The following UGP2 variants were observed in gnomAD, a reference collection of about 807,000 sequenced individuals.
UGP2 encodes the protein UTP--glucose-1-phosphate uridylyltransferase.
UGP2 carries 40 observed loss-of-function variants against 49.0 expected under a neutral mutation model. The ratio of observed to expected loss-of-function variants is 0.82; its 90% CI spans 0.63 to 1.06. The LOEUF (loss-of-function observed/expected upper bound fraction) is 1.06, where lower values mean the gene tolerates loss of function less well. Ranked by LOEUF, UGP2 falls within the 50% of genes least tolerant of loss-of-function variation. The pLI is 0.00. For missense variants in UGP2, 460 were observed against 603.5 expected (o/e 0.76, Z 2.49); for synonymous variants, 225 against 213.0 (o/e 1.06, Z -0.49).
At chr2:63,842,396 T>C (rs1203426667) in intron 1 of UGP2, 192 bp downstream of exon 1, 1 of 1,592,124 alleles carries the variant, frequency 6.3e-7, no homozygotes, top group Middle Eastern at 1.7e-4. Flanking sequence ...TAATTTATGC[T>C]CCTGTACCCT....
At chr2:63,853,908 T>C (rs968214943) in intron 1 of UGP2, among the ~76,000 whole-genome samples, 1 of 152,220 alleles carries the variant, frequency 6.6e-6, no homozygotes, top group Non-Finnish European at 1.5e-5. Context: ...CTATCTGAAA[T>C]TGACTTAAAG....
intron 2 of UGP2, 91 bp downstream of exon 2, chr2:63,856,524 C>A: frequency 7.1e-7 from 1 of 1,410,914 alleles, no homozygotes; most frequent in Non-Finnish European, 9.5e-7. Flanking sequence ...ATAATCATCA[C>A]CTCAAATCAG....
chr2:63,857,975 C>T (rs748262448), intron 3 of UGP2, 39 bp downstream of exon 3: 1 of 1,593,732 alleles, frequency 6.3e-7, no homozygotes, highest in South Asian at 1.1e-5. Context: ...GTAGGGTAAT[C>T]TTGGGCACTG....
chr2:63,855,596 C>T (rs956812538), intron 1 of UGP2: 32 of 366,898 alleles, frequency 8.7e-5, no homozygotes, highest in Middle Eastern at 1.8e-3. Flanking sequence ...GGCTGGAGTG[C>T]GGTGGCGCGA....
chr2:63,876,474 C>T (rs146868510), intron 3 of UGP2, among the ~76,000 whole-genome samples: 4 of 152,284 alleles, frequency 2.6e-5, no homozygotes, highest in African/African-American at 7.2e-5. Context: ...ATATTTCTCC[C>T]GTCTTCATAC....
chr2:63,886,879 G>T (rs971617441), intron 7 of UGP2, among the ~76,000 whole-genome samples: 7 of 152,158 alleles, frequency 4.6e-5, no homozygotes, highest in Admixed American at 3.3e-4. Context: ...GGTTTATCAT[G>T]AAATGATATT....
chr2:63,891,235 A>G lies in UGP2; in HGVS notation c.*8A>G. 6.2e-7 allele frequency: 1 copy of G among 1,604,374 alleles called. No individual in the cohort carries two copies. The highest frequency in any genetic ancestry group is 8.5e-7 in the Non-Finnish European group (1 of 1,171,904). On this transcript the variant is annotated 3_prime_UTR_variant, in exon 10 of 10. Transcript: ENST00000337130. The stretch of plus-strand genomic sequence containing the variant: ...CGCATCTTGGACCACTGAAATGAAA[A>G]ATACTGTGGACACTTAAATAATGGG...
rs929512803 is a variant in UGP2 at position 63,887,847 on chromosome 2, T to C, written c.1314+203T>C. 2.2e-5 allele frequency: 15 copies of C among 683,652 alleles called. No individual in the cohort carries two copies. The African/African-American group carries it at 2.7e-4, about 12-fold the overall frequency. The allele number at this position is 683,652 out of a possible 1,614,324, so 42.3% of individuals were successfully genotyped here. A position where few individuals can be genotyped will look rare whatever the true frequency, so the allele number is the denominator to read the frequency against. ...TGAAACATGATTGCCATATGGAGAG[T>C]AGAAAATAATCTTTAAATTTTGGGG... On this transcript the variant is annotated intron_variant, in intron 8 of 9. Coordinates refer to ENST00000337130, the MANE Select transcript of UGP2 (RefSeq NM_006759.4).
chr2:63,851,003 A>T (rs576389832), intron 1 of UGP2, among the ~76,000 whole-genome samples: 9 of 152,318 alleles, frequency 5.9e-5, no homozygotes, highest in African/African-American at 1.9e-4. Flanking sequence ...CAGAATTTAC[A>T]GTCTGTTGGA....
At chr2:63,842,405 C>G (rs1298461790) in intron 1 of UGP2, 1 of 1,585,440 alleles carries the variant, frequency 6.3e-7, no homozygotes, top group East Asian at 2.3e-5. Flanking sequence ...CTCCTGTACC[C>G]TGCTGGGTTT....
At chr2:63,884,588 G>A (rs1671529855) in intron 5 of UGP2, among the ~76,000 whole-genome samples, 1 of 152,126 alleles carries the variant, frequency 6.6e-6, no homozygotes, top group South Asian at 2.1e-4. Context: ...TTTAAGGGAT[G>A]GACATCAGTC....
intron 7 of UGP2, 132 bp from the exon 8 acceptor site, chr2:63,887,270 A>C (rs1671748460): frequency 3.6e-6 from 5 of 1,377,914 alleles, no homozygotes; most frequent in Non-Finnish European, 3.9e-6. Flanking sequence ...TTCTCAAAAA[A>C]AAAAAAAAAT....
At chr2:63,885,390 T>C (rs1671606019) in intron 5 of UGP2, among the ~76,000 whole-genome samples, 199 bp from the exon 6 acceptor site, 1 of 152,194 alleles carries the variant, frequency 6.6e-6, no homozygotes, top group Non-Finnish European at 1.5e-5. Context: ...TTGCAGCAGC[T>C]ATCACCATCT....
At chr2:63,845,743 A>T (rs1394020658) in intron 1 of UGP2, among the ~76,000 whole-genome samples, 1 of 152,172 alleles carries the variant, frequency 6.6e-6, no homozygotes, top group Non-Finnish European at 1.5e-5. Context: ...AGATCTGGGC[A>T]TTACACCTAA....
chr2:63,864,668 G>T (rs1670060977), intron 3 of UGP2, among the ~76,000 whole-genome samples: 2 of 152,274 alleles, frequency 1.3e-5, no homozygotes, highest in South Asian at 2.1e-4. Context: ...ATGATGTATT[G>T]TAGAACACCC....
At chr2:63,857,428 ATC>A in intron 2 of UGP2, 1 of 315,098 alleles carries the variant, frequency 3.2e-6, no homozygotes, top group South Asian at 2.4e-5. Flanking sequence ...CAGTGGTGCA[ATC>A]TCTGCTCACT....
chr2:63,864,545 A>G (rs918935713), intron 3 of UGP2, among the ~76,000 whole-genome samples: 1 of 152,090 alleles, frequency 6.6e-6, no homozygotes, highest in Non-Finnish European at 1.5e-5. Flanking sequence ...CCTTTTTTTC[A>G]TAATGCAAGA....
At chr2:63,851,675 T>C (rs998536970) in intron 1 of UGP2, among the ~76,000 whole-genome samples, 7 of 152,340 alleles carry the variant, frequency 4.6e-5, no homozygotes, top group Non-Finnish European at 1.0e-4. Flanking sequence ...GTATTTGAAG[T>C]GCATGGTTTC....
intron 3 of UGP2, among the ~76,000 whole-genome samples, chr2:63,863,702 T>G (rs1669998148): frequency 6.6e-6 from 1 of 152,226 alleles, no homozygotes; most frequent in South Asian, 2.1e-4. Context: ...CAAGCTAATT[T>G]GTTACTGTAT....
Sources: gnomAD v4.1 joint callset for allele counts (sites outside exome capture counted in the v4.1 genomes callset) on GRCh38, gnomAD v4.1.1 for gene constraint, MANE v1.5 for transcripts, NCBI Gene and HGNC (gene_info 2026-07-23, HGNC 2026-07-21) for gene names.